The following OC90 variants were observed in gnomAD, a reference collection of about 807,000 sequenced individuals.
The protein encoded by OC90 is otoconin 90, also known as otoconin-90.
Under a neutral mutation model 47.3 loss-of-function variants are expected in OC90, and 46 were observed. The ratio of observed to expected loss-of-function variants is 0.97; its 90% CI spans 0.77 to 1.24. OC90 has a LOEUF of 1.24. OC90 is among the 50% of genes most tolerant of loss of function. The pLI is 0.00. For synonymous variants in OC90, 271 were observed against 219.5 expected, an observed-to-expected ratio of 1.23 and a Z score of -2.07; for missense variants, 688 against 583.9, an observed-to-expected ratio of 1.18 and a Z score of -1.84.
At chr8:132,033,000 A>T (rs1389347693) in intron 11 of OC90, 39 bp downstream of exon 11, 1 of 1,594,310 alleles carries the variant, frequency 6.3e-7, no homozygotes, top group African/African-American at 1.3e-5. Context: ...TCACCAAAAG[A>T]TCCCAGCAGC....
At chr8:132,048,692 G>T (rs1476038972) in intron 2 of OC90, among the ~76,000 whole-genome samples, 1 of 151,532 alleles carries the variant, frequency 6.6e-6, no homozygotes, top group Non-Finnish European at 1.5e-5. Context: ...TATCTGGAAA[G>T]TCTTAAGGTG....
In OC90 at chr8:132,054,991, G is replaced by A. The variant is rs772513232; in HGVS notation, c.36C>T (p.Ile12=). The change falls in exon 2 of 14, where the codon ATC becomes ATT. Residue 12 remains isoleucine, a synonymous_variant. Transcript: ENST00000254627. ...GATATCATTACTCACCGGCATGGGG[G>A]ATCATCAGCACACTGGTGAGGAGAA... ...IAFLLTSVLM[I]PHAGGHPLDT... 1.2e-4 allele frequency: 193 copies of A among 1,549,398 alleles called. No individual in the cohort carries two copies. Among genetic ancestry groups the A allele is most frequent in the Non-Finnish European group, 1.6e-4 (186 of 1,145,928 alleles).
chr8:132,039,848 C>T (rs891001778), intron 6 of OC90, among the ~76,000 whole-genome samples: 4 of 152,136 alleles, frequency 2.6e-5, no homozygotes, highest in Admixed American at 6.5e-5. Flanking sequence ...CTCATCATCT[C>T]CAGGAGGCTT....
Position 132,031,931 on chromosome 8 carries a change from G to A in OC90, c.981C>T (p.Gly327=), listed in dbSNP as rs780385689. 1.5e-5 allele frequency: 25 copies of A among 1,613,986 alleles called. No homozygotes were observed. Among genetic ancestry groups the A allele is most frequent in the Non-Finnish European group, 2.1e-5 (25 of 1,179,860 alleles). The change falls in exon 12 of 14, where the codon GGC becomes GGT. Residue 327 remains glycine, a synonymous_variant. Transcript: ENST00000254627. ...SRCPEEFESY[G]CYCGQEGRGE... is the part of the protein sequence containing the mutation. ...CTCTTCCTTCTTGTCCACAGTAACA[G>A]CCATAAGACTCAAATTCCTCCGGGC... is the stretch of plus-strand genomic sequence containing the variant.
At chr8:132,055,787 T>C (rs1372046642) in intron 1 of OC90, among the ~76,000 whole-genome samples, 1 of 151,964 alleles carries the variant, frequency 6.6e-6, no homozygotes, top group East Asian at 1.9e-4. Flanking sequence ...GCGGGCAGAG[T>C]CCAGCAACCC....
At chr8:132,028,762 TAGAG>T (rs148272690) in intron 13 of OC90, among the ~76,000 whole-genome samples, 3,339 of 85,988 alleles carry the variant, frequency 0.039, 165 homozygotes, top group African/African-American at 0.14. Flanking sequence ...AAGAGAGAGA[TAGAG>T]AGAAAGAAAG....
At position 132,024,663 on chromosome 8, in the gene OC90, A is replaced by G. The variant is rs1409613292; in HGVS notation, c.1252T>C (p.Cys418Arg). 6.2e-7 allele frequency: 1 copy of G among 1,613,084 alleles called. No individual in the cohort carries two copies. The highest frequency in any genetic ancestry group is 1.3e-5 in the African/African-American group (1 of 74,902). ...TCACAGGCTGCTGGCTGCCCAGGGC[A>G]CCCGAGTCTGCTTGGGGACTTGAGG... ...QSLKSPSRLG[C>R]PGQPAACEDS... The change falls in exon 14 of 14, where the codon TGC becomes CGC. Residue 418 changes from cysteine to arginine, a missense_variant. By Grantham distance (180) the Cys-to-Arg change is radical. Transcript: ENST00000254627.
chr8:132,026,253 A>C (rs908307955), intron 13 of OC90, among the ~76,000 whole-genome samples: 1 of 152,162 alleles, frequency 6.6e-6, no homozygotes, highest in Non-Finnish European at 1.5e-5. Flanking sequence ...AGTTTCTACA[A>C]ATATTATCCT....
At chr8:132,027,991 C>T (rs555395928) in intron 13 of OC90, among the ~76,000 whole-genome samples, 135 of 152,262 alleles carry the variant, frequency 8.9e-4, no homozygotes, top group South Asian at 1.9e-3. Flanking sequence ...GCCTCAGTTG[C>T]CTTACCTGCT....
Position 132,041,579 on chromosome 8 carries a change from T to C in OC90, c.290A>G (p.Tyr97Cys), listed in dbSNP as rs767131486. 3.7e-6 allele frequency: 6 copies of C among 1,613,570 alleles called. No homozygotes were observed. In the Admixed American group the frequency reaches 8.3e-5, roughly 22 times the overall value. The stretch of plus-strand genomic sequence containing the variant: ...CATCTCAAACCTGCAGGTGCAACCA[T>C]AGTCTTCAAAGTCTCGGGGGCAGAG... ...AGLCPRDFED[Y>C]GCTCRFEMEG... Residue 97 changes from tyrosine (Y) to cysteine (C), a missense_variant, in exon 5 of 14, where the codon TAT becomes TGT. Transcript: ENST00000254627.
At chr8:132,028,778 AAG>A (rs1325183259) in intron 13 of OC90, among the ~76,000 whole-genome samples, 30 of 141,888 alleles carry the variant, frequency 2.1e-4, no homozygotes, top group Non-Finnish European at 3.5e-4. Flanking sequence ...GAAAGAAAGA[AAG>A]AGAGGAAGAA....
rs954915229 is a variant in OC90 at position 132,024,418 on chromosome 8, T to C, written c.*63A>G. 4 of 1,294,826 alleles carry C rather than the reference T, an allele frequency of 3.1e-6. No individual in the cohort carries two copies. The highest frequency in any genetic ancestry group is 4.3e-6 in the Non-Finnish European group (4 of 941,038). 80.2% of individuals were successfully genotyped at this position (1,294,826 alleles called of 1,614,324 possible). A position where few individuals can be genotyped will look rare whatever the true frequency, so the allele number is the denominator to read the frequency against. ...CCAAGGGACAGAGGAGGCTGAGAGA[T>C]AAAGAGCTGAAGGTGGAGCAGGAGC... On this transcript the variant is annotated 3_prime_UTR_variant, in exon 14 of 14. Transcript: ENST00000254627.
chr8:132,032,756 C>A (rs1380554013), intron 11 of OC90, among the ~76,000 whole-genome samples: 2 of 152,136 alleles, frequency 1.3e-5, no homozygotes, highest in South Asian at 4.1e-4. Context: ...GTGGACGAAG[C>A]CAAGCTCTTT....
intron 8 of OC90, 90 bp downstream of exon 8, chr8:132,038,700 G>A (rs999720557): frequency 1.0e-6 from 1 of 994,290 alleles, no homozygotes; most frequent in South Asian, 1.3e-5. Flanking sequence ...GCTCCAGTGA[G>A]GCAGGCCTGG....
At chr8:132,028,575 GA>G (rs1434067178) in intron 13 of OC90, among the ~76,000 whole-genome samples, 1 of 16,148 alleles carries the variant, frequency 6.2e-5, no homozygotes, top group Non-Finnish European at 1.3e-4. Flanking sequence ...AGGAAGGAAG[GA>G]AGGAAGGAAG....
intron 1 of OC90, among the ~76,000 whole-genome samples, chr8:132,058,077 T>G (rs1021047373): frequency 6.6e-6 from 1 of 152,182 alleles, no homozygotes; most frequent in Non-Finnish European, 1.5e-5. Flanking sequence ...TGCTAGGGTG[T>G]GGTGAAACAC....
At chr8:132,027,988 T>C (rs1377420230) in intron 13 of OC90, among the ~76,000 whole-genome samples, 2 of 152,212 alleles carry the variant, frequency 1.3e-5, no homozygotes, top group Non-Finnish European at 2.9e-5. Flanking sequence ...TGGGCCTCAG[T>C]TGCCTTACCT....
At chr8:132,037,621 G>A (rs773396377) in intron 8 of OC90, 133 bp from the exon 9 acceptor site, 85 of 746,022 alleles carry the variant, frequency 1.1e-4, no homozygotes, top group South Asian at 2.8e-4. Flanking sequence ...TTACTAAGAA[G>A]AGCTGTTCAT....
chr8:132,025,967 A>G (rs943732924), intron 13 of OC90, among the ~76,000 whole-genome samples: 6 of 152,246 alleles, frequency 3.9e-5, no homozygotes, highest in Admixed American at 1.3e-4. Flanking sequence ...TCTGGGCCAG[A>G]ATTTCCCTAT....
Sources: gnomAD v4.1 joint callset for allele counts (sites outside exome capture counted in the v4.1 genomes callset) on GRCh38, gnomAD v4.1.1 for gene constraint, MANE v1.5 for transcripts, NCBI Gene and HGNC (gene_info 2026-07-23, HGNC 2026-07-21) for gene names.